The following TAF1L variants were observed in gnomAD, a reference collection of about 807,000 sequenced individuals.
TAF1L encodes the protein transcription initiation factor TFIID subunit 1-like.
In TAF1L, 30 loss-of-function variants were observed where a neutral mutation model predicts 128.8. The observed-to-expected ratio is 0.23, with a 90% CI of 0.17 to 0.32. The LOEUF is 0.32. Ranked by LOEUF, TAF1L falls within the 10% of genes least tolerant of loss-of-function variation. The pLI is 1.00. For missense variants in TAF1L, 2,099 were observed against 2,253.7 expected, an observed-to-expected ratio of 0.93 and a Z score of 1.39; for synonymous variants, 764 against 790.7, an observed-to-expected ratio of 0.97 and a Z score of 0.57.
At position 32,630,073 on chromosome 9, in the gene TAF1L, C is replaced by G; in HGVS notation, c.*26G>C. On this transcript the variant is annotated 3_prime_UTR_variant, in exon 1 of 1. Coordinates refer to ENST00000242310, the MANE Select transcript of TAF1L (RefSeq NM_153809.2). ...AAATCATGGGAAGCCTCCCCACCGT[C>G]TCCCTCATGGGACATCATGCTTTCT... 1 of 1,613,522 alleles carries G rather than the reference C, an allele frequency of 6.2e-7. No individual in the cohort carries two copies. The highest frequency in any genetic ancestry group is 8.5e-7 in the Non-Finnish European group (1 of 1,179,734).
rs1423191848 is a variant in TAF1L, at chr9:32,630,125, C to T, written c.5455G>A (p.Glu1819Lys). 96 of 1,614,152 alleles carry T rather than the reference C, an allele frequency of 5.9e-5. No homozygotes were observed. Among genetic ancestry groups the T allele is most frequent in the Middle Eastern group, 1.6e-4 (1 of 6,062 alleles). The change falls in exon 1 of 1, where the codon GAA becomes AAA. Residue 1819 changes from glutamate (E) to lysine (K), a missense_variant. Glu to Lys is a moderately conservative substitution (Grantham distance 56). This residue lies in a region of TAF1L where 404 missense variants were observed against 406.5 expected (regional missense o/e 0.99). Coordinates refer to ENST00000242310, the MANE Select transcript of TAF1L (RefSeq NM_153809.2). Reference sequence around the variant, plus strand: ...CATTTTCCGTGCCCATCCTTGTGTTCTCCTGAAGCATGCTGAAGCATGAAG... The same window carrying T: ...CATTTTCCGTGCCCATCCTTGTGTTTTCCTGAAGCATGCTGAAGCATGAAG... ...QPFMLQHASG[E>K]HKDGHGK
At position 32,631,093 on chromosome 9, in the gene TAF1L, C is replaced by T. The variant is rs1822511752; in HGVS notation, c.4487G>A (p.Cys1496Tyr). 4 of 1,614,208 alleles carry T rather than the reference C, an allele frequency of 2.5e-6. No individual in the cohort carries two copies. In the East Asian group the frequency reaches 8.9e-5, roughly 36 times the overall value. The part of the protein sequence containing the change: ...TQISQSMLDL[C>Y]DEKLKEKEDK... The stretch of plus-strand genomic sequence containing the variant: ...TTCTTTCTCTTTAAGTTTTTCATCA[C>T]AGAGATCCAGCATGGATTGAGAGAT... Residue 1496 changes from cysteine (C) to tyrosine (Y), a missense_variant, in exon 1 of 1, where the codon TGT becomes TAT. Transcript: ENST00000242310. The surrounding 1 kb of genome is among the most constrained non-coding windows in gnomAD (Gnocchi z 4.1).
chr9:32,631,552 A>G lies in TAF1L; in HGVS notation c.4028T>C (p.Val1343Ala). 1 of 1,614,170 alleles carries G rather than the reference A, an allele frequency of 6.2e-7. No individual in the cohort carries two copies. The highest frequency in any genetic ancestry group is 8.5e-7 in the Non-Finnish European group (1 of 1,180,026). Residue 1343 changes from valine to alanine, a missense_variant, in exon 1 of 1, where the codon GTC (valine) becomes GCC (alanine). By Grantham distance (64) the Val-to-Ala change is moderately conservative (BLOSUM62 0). Around this residue, in one of 4 missense-constraint regions of TAF1L, gnomAD observed 1,213 missense variants for 1,391.4 expected, o/e 0.87. Coordinates refer to ENST00000242310, the MANE Select transcript of TAF1L (RefSeq NM_153809.2). The surrounding 1 kb of genome is among the most constrained non-coding windows in gnomAD (Gnocchi z 4.1). ...ELIKVEGTKI[V>A]FGKQLIENVH... ...ATTCTCAATTAGCTGTTTCCCGAAGACAATTTTGGTCCCTTCAACCTTGAT... is the reference window on the plus strand; with the variant it reads ...ATTCTCAATTAGCTGTTTCCCGAAGGCAATTTTGGTCCCTTCAACCTTGAT...
Position 32,630,007 on chromosome 9 carries a change from C to A in TAF1L, c.*92G>T. The A allele has an allele frequency of 6.3e-7, 1 of 1,578,270 alleles. No homozygotes were observed. The highest frequency in any genetic ancestry group is 8.6e-7 in the Non-Finnish European group (1 of 1,164,156). On this transcript the variant is annotated 3_prime_UTR_variant, in exon 1 of 1. Coordinates refer to ENST00000242310, the MANE Select transcript of TAF1L (RefSeq NM_153809.2). ...GTGTCTTGGGTGTTCAACTTGGGAT[C>A]AGGCTCCTCACAGCTCCCATAACTG...
rs1453455327 is a variant in TAF1L at position 32,633,146 on chromosome 9, C to A, written c.2434G>T (p.Gly812Trp). The A allele has an allele frequency of 2.5e-6, 4 of 1,614,160 alleles. No individual in the cohort carries two copies. The highest frequency in any genetic ancestry group is 2.2e-5 in the South Asian group (2 of 91,076). ...ATATTGGCCCTTCTGGAGTTAGGCC[C>A]AGGAACTTCAAACAAGGGACACTGC... ...GQQCPLFEVP[G>W]PNSRRANMHI... Residue 812 changes from glycine to tryptophan, a missense_variant, in exon 1 of 1, where the codon GGG becomes TGG. By Grantham distance (184) the Gly-to-Trp change is radical. Coordinates refer to ENST00000242310, the MANE Select transcript of TAF1L (RefSeq NM_153809.2).
Position 32,631,963 on chromosome 9 carries a change from T to C in TAF1L, c.3617A>G (p.Lys1206Arg). The C allele has an allele frequency of 6.2e-7, 1 of 1,614,218 alleles. No homozygotes were observed. The highest frequency in any genetic ancestry group is 1.1e-5 in the South Asian group (1 of 91,078). Residue 1206 changes from lysine to arginine, a missense_variant, in exon 1 of 1, where the codon AAA (lysine) becomes AGA (arginine). Transcript: ENST00000242310. This position sits in a 1 kb window ranked among gnomAD's most constrained non-coding sequence, Gnocchi z 4.1. ...KEYVRCETVRKPAVIDAYVRI... is the reference protein window; with the variant it reads ...KEYVRCETVRRPAVIDAYVRI... Reference sequence around the variant, plus strand: ...CACATAGGCATCAATGACAGCTGGTTTTCGGACTGTCTCACAGCGAACATA... The same window carrying C: ...CACATAGGCATCAATGACAGCTGGTCTTCGGACTGTCTCACAGCGAACATA...
Position 32,633,521 on chromosome 9 carries a change from G to T in TAF1L, c.2059C>A (p.Pro687Thr). Residue 687 changes from proline (P) to threonine (T), a missense_variant, in exon 1 of 1, where the codon CCT becomes ACT. Physicochemically the swap from Pro to Thr is conservative, Grantham distance 38. Transcript: ENST00000242310. ...CCATCTTTGCCTGTGAGATCCTGAG[G>T]TGTGCGCATAAAAAACAACTCTCCA... ...GGGELFFMRT[P>T]QDLTGKDGDL... The T allele has an allele frequency of 6.2e-7, 1 of 1,614,178 alleles. No individual in the cohort carries two copies. Among genetic ancestry groups the T allele is most frequent in the Non-Finnish European group, 8.5e-7 (1 of 1,180,038 alleles).
Position 32,635,009 on chromosome 9 carries a change from C to A in TAF1L, c.571G>T (p.Ala191Ser). 4.3e-6 allele frequency: 7 copies of A among 1,614,038 alleles called. No individual in the cohort carries two copies. The highest frequency in any genetic ancestry group is 5.9e-6 in the Non-Finnish European group (7 of 1,180,008). ...TTCTCTGAGGCCAAAAAGGAAGGGG[C>A]AATGATGGAGGGCAAGATGATGTCT... ...GEDIILPSII[A>S]PSFLASEKVD... The change falls in exon 1 of 1, where the codon GCC (alanine) becomes TCC (serine). Residue 191 changes from alanine to serine, a missense_variant. Physicochemically the swap from Ala to Ser is moderately conservative, Grantham distance 99. This residue lies in a region of TAF1L where 473 missense variants were observed against 429.6 expected (regional missense o/e 1.10). Transcript: ENST00000242310.
rs764353497 is a variant in TAF1L at position 32,632,009 on chromosome 9, G to A, written c.3571C>T (p.Arg1191Ter). The A allele has an allele frequency of 1.9e-6, 3 of 1,614,132 alleles. No individual in the cohort carries two copies. The highest frequency in any genetic ancestry group is 4.5e-5 in the East Asian group (2 of 44,882). Residue 1191 changes from arginine to a stop codon, truncating the protein, a stop_gained, in exon 1 of 1, where the codon CGA becomes TGA. Coordinates refer to ENST00000242310, the MANE Select transcript of TAF1L (RefSeq NM_153809.2). LOFTEE classifies it high-confidence loss of function. This position sits in a 1 kb window ranked among gnomAD's most constrained non-coding sequence, Gnocchi z 4.4. ...GHCLKIYRTF[R>*]DEEGKEYVRC... is the part of the protein sequence containing the mutation. Reference sequence around the variant, plus strand: ...ACATACTCTTTCCCCTCTTCATCTCGAAATGTGCGATAAATCTTGAGACAG... The same window carrying A: ...ACATACTCTTTCCCCTCTTCATCTCAAAATGTGCGATAAATCTTGAGACAG...
In TAF1L at chr9:32,635,267, C is replaced by G; in HGVS notation, c.313G>C (p.Asp105His). Residue 105 changes from aspartate (D) to histidine (H), a missense_variant, in exon 1 of 1, where the codon GAT (aspartate) becomes CAT (histidine). This residue lies in a region of TAF1L where 473 missense variants were observed against 429.6 expected (regional missense o/e 1.10). Coordinates refer to ENST00000242310, the MANE Select transcript of TAF1L (RefSeq NM_153809.2). ...TTGATGTCTGAATAGTCTACAGCAT[C>G]TTCTGTACTCCTAATCCACCCTTCA... ...NDEGWIRSTE[D>H]AVDYSDINEV... 1 of 1,614,170 alleles carries G rather than the reference C, an allele frequency of 6.2e-7. No individual in the cohort carries two copies. Among genetic ancestry groups the G allele is most frequent in the Non-Finnish European group, 8.5e-7 (1 of 1,180,026 alleles).
rs1257805302 is a variant in TAF1L, at chr9:32,635,538, G to A, written c.42C>T (p.Thr14=). 6.2e-6 allele frequency: 10 copies of A among 1,613,998 alleles called. No individual in the cohort carries two copies. In the South Asian group the frequency reaches 6.6e-5, roughly 11 times the overall value. The change falls in exon 1 of 1, where the codon ACC becomes ACT. Residue 14 remains threonine (T), a synonymous_variant. Transcript: ENST00000242310. The part of the protein sequence containing the change: ...GCDLLLRAAA[T]VTAAIMSDSD... ...AGTCTGACATGATGGCGGCAGTGAC[G>A]GTAGCTGCTGCCCTCAGCAGCAAAT...
At position 32,631,599 on chromosome 9, in the gene TAF1L, A is replaced by G; in HGVS notation, c.3981T>C (p.Ile1327=). Residue 1327 remains isoleucine, a synonymous_variant, in exon 1 of 1, where the codon ATT becomes ATC. Coordinates refer to ENST00000242310, the MANE Select transcript of TAF1L (RefSeq NM_153809.2). This position sits in a 1 kb window ranked among gnomAD's most constrained non-coding sequence, Gnocchi z 4.1. ...EQEEELEKTV[I]HNDNEELIKV... is the part of the protein sequence containing the mutation. ...TGATAAGTTCTTCATTATCATTATG[A>G]ATGACTGTCTTTTCCAACTCCTCCT... is the stretch of plus-strand genomic sequence containing the variant. 1 of 1,614,136 alleles carries G rather than the reference A, an allele frequency of 6.2e-7. No homozygotes were observed. The highest frequency in any genetic ancestry group is 2.2e-5 in the East Asian group (1 of 44,882).
Position 32,635,496 on chromosome 9 carries a change from A to T in TAF1L, c.84T>A (p.Asp28Glu). The change falls in exon 1 of 1, where the codon GAT (aspartate) becomes GAA (glutamate). Residue 28 changes from aspartate to glutamate, a missense_variant. By Grantham distance (45) the Asp-to-Glu change is conservative. Transcript: ENST00000242310. The part of the protein sequence containing the change: ...AIMSDSDSEE[D>E]SSGGGPFTLA... Reference sequence around the variant, plus strand: ...AAGTAAATGGGCCACCTCCAGATGAATCTTCCTCGCTGTCCGAGTCTGACA... The same window carrying T: ...AAGTAAATGGGCCACCTCCAGATGATTCTTCCTCGCTGTCCGAGTCTGACA... 1 of 1,614,088 alleles carries T rather than the reference A, an allele frequency of 6.2e-7. No homozygotes were observed. The highest frequency in any genetic ancestry group is 8.5e-7 in the Non-Finnish European group (1 of 1,180,000).
rs766333861 is a variant in TAF1L, at chr9:32,635,424, C to T, written c.156G>A (p.Glu52=). 2.5e-6 allele frequency: 4 copies of T among 1,614,164 alleles called. No individual in the cohort carries two copies. The highest frequency in any genetic ancestry group is 3.4e-6 in the Non-Finnish European group (4 of 1,180,028). Residue 52 remains glutamate, a synonymous_variant, in exon 1 of 1, where the codon GAG becomes GAA. Transcript: ENST00000242310. ...ACTCATCATCCAAGACGCTTTCCCC[C>T]TCCAGCTGCCCCGCTCCACTGATGT... ...FGNISGAGQL[E]GESVLDDECK... is the part of the protein sequence containing the mutation.
rs1017683664 is a variant in TAF1L at position 32,629,503 on chromosome 9, G to A, written c.*596C>T. The stretch of plus-strand genomic sequence containing the variant: ...TGCCTCAAATCCATATAGGAACGAG[G>A]CATTGTATAATTAAATAAACAATAA... On this transcript the variant is annotated 3_prime_UTR_variant, in exon 1 of 1. Transcript: ENST00000242310. 2 of 154,100 alleles carry A rather than the reference G, an allele frequency of 1.3e-5. No individual in the cohort carries two copies. Among genetic ancestry groups the A allele is most frequent in the African/African-American group, 4.8e-5 (2 of 41,446 alleles). The allele number at this position is 154,100 out of a possible 1,614,324, so 9.5% of individuals were successfully genotyped here.
rs56128445 is a variant in TAF1L at position 32,633,985 on chromosome 9, A to T, written c.1595T>A (p.Ile532Asn). Residue 532 changes from isoleucine (I) to asparagine (N), a missense_variant, in exon 1 of 1, where the codon ATT (isoleucine) becomes AAT (asparagine). By Grantham distance (149) the Ile-to-Asn change is moderately radical (BLOSUM62 -3). Coordinates refer to ENST00000242310, the MANE Select transcript of TAF1L (RefSeq NM_153809.2). ...DPNDENLILE[I>N]PDEKEEATSN... Reference sequence around the variant, plus strand: ...GGTGGCCTCTTCCTTCTCATCAGGAATTTCCAAAATGAGGTTCTCATCATT... The same window carrying T: ...GGTGGCCTCTTCCTTCTCATCAGGATTTTCCAAAATGAGGTTCTCATCATT... The T allele has an allele frequency of 2.1e-5, 34 of 1,614,014 alleles. No individual in the cohort carries two copies. The East Asian group carries it at 7.4e-4, about 35-fold the overall frequency.
rs1289358728 is a variant in TAF1L at position 32,633,230 on chromosome 9, T to C, written c.2350A>G (p.Ile784Val). Residue 784 changes from isoleucine (I) to valine (V), a missense_variant, in exon 1 of 1, where the codon ATT (isoleucine) becomes GTT (valine). By Grantham distance (29) the Ile-to-Val change is conservative. Coordinates refer to ENST00000242310, the MANE Select transcript of TAF1L (RefSeq NM_153809.2). ...ATATAGTAACCCTGTCTTGTCCGAA[T>C]GATCAGAAAATCAGTTTCTGGCATC... ...HKMPETDFLI[I>V]RTRQGYYIRE... is the part of the protein sequence containing the mutation. 1 of 1,614,182 alleles carries C rather than the reference T, an allele frequency of 6.2e-7. No individual in the cohort carries two copies. Among genetic ancestry groups the C allele is most frequent in the Admixed American group, 1.7e-5 (1 of 60,024 alleles).
chr9:32,633,084 G>A lies in TAF1L; in HGVS notation c.2496C>T (p.Arg832=), dbSNP rs146867763. 6.8e-6 allele frequency: 11 copies of A among 1,614,154 alleles called. No homozygotes were observed. The African/African-American group carries it at 1.3e-4, about 20-fold the overall frequency. The change falls in exon 1 of 1, where the codon CGC becomes CGT. Residue 832 remains arginine (R), a synonymous_variant. Transcript: ENST00000242310. ...GCCGATCTTTACTCTTCCAGAAAAGGCGGTAAATAAAAACCTGTAGAAAGT... is the reference window on the plus strand; with the variant it reads ...GCCGATCTTTACTCTTCCAGAAAAGACGGTAAATAAAAACCTGTAGAAAGT... ...IRDFLQVFIY[R]LFWKSKDRPR... is the part of the protein sequence containing the mutation.
rs1410923132 is a variant in TAF1L, at chr9:32,633,090, A to G, written c.2490T>C (p.Ile830=). ...MHIRDFLQVF[I]YRLFWKSKDR... The stretch of plus-strand genomic sequence containing the variant: ...CTTTACTCTTCCAGAAAAGGCGGTA[A>G]ATAAAAACCTGTAGAAAGTCTCGAA... The change falls in exon 1 of 1, where the codon ATT becomes ATC. Residue 830 remains isoleucine (I), a synonymous_variant. Coordinates refer to ENST00000242310, the MANE Select transcript of TAF1L (RefSeq NM_153809.2). The G allele has an allele frequency of 6.2e-7, 1 of 1,614,192 alleles. No homozygotes were observed. Among genetic ancestry groups the G allele is most frequent in the African/African-American group, 1.3e-5 (1 of 75,044 alleles).
Sources: gnomAD v4.1 joint callset for allele counts on GRCh38, gnomAD v4.1.1 for gene constraint, gnomAD v4.1.1 regional missense constraint, Gnocchi (gnomAD v3.1) non-coding constraint, MANE v1.5 for transcripts, NCBI Gene and HGNC (gene_info 2026-07-23, HGNC 2026-07-21) for gene names.